Variants in DPP10 observed in about 807,000 individuals in gnomAD.
DPP10 encodes the protein inactive dipeptidyl peptidase 10.
Under a neutral mutation model 120.9 loss-of-function variants are expected in DPP10, and 33 were observed. The ratio of observed to expected loss-of-function variants is 0.27; its 90% CI spans 0.21 to 0.37. The LOEUF (loss-of-function observed/expected upper bound fraction) is 0.37, where lower values mean the gene tolerates loss of function less well. Among genes scored for constraint, DPP10 ranks in the 10% least tolerant of loss-of-function variants. The pLI, the probability that DPP10 is intolerant of heterozygous loss-of-function variation, is 1.00. For synonymous variants in DPP10, 337 were observed against 326.1 expected (o/e 1.03, Z -0.36); for missense variants, 816 against 942.8 (o/e 0.87, Z 1.76).
intron 1 of DPP10, among the ~76,000 whole-genome samples, chr2:114,851,091 AT>A (rs1014071574): frequency 3.3e-5 from 5 of 152,156 alleles, no homozygotes; most frequent in African/African-American, 4.8e-5. Flanking sequence ...TTTTTTCCTC[AT>A]TTTTTTATTA....
chr2:114,545,995 A>G (rs1019589688), intron 1 of DPP10, among the ~76,000 whole-genome samples: 2 of 152,048 alleles, frequency 1.3e-5, no homozygotes, highest in Non-Finnish European at 2.9e-5. Flanking sequence ...ACTCATATTG[A>G]TGGTCTCTAT....
At chr2:115,515,697 G>A (rs556183507) in intron 4 of DPP10, among the ~76,000 whole-genome samples, 3 of 151,972 alleles carry the variant, frequency 2.0e-5, no homozygotes, top group Non-Finnish European at 4.4e-5. Context: ...GTTGAAACTG[G>A]CCTGAAAGAA....
intron 1 of DPP10, among the ~76,000 whole-genome samples, chr2:114,886,466 C>A (rs998247942): frequency 2.6e-5 from 4 of 152,166 alleles, no homozygotes; most frequent in African/African-American, 9.6e-5. Flanking sequence ...CATAATAGTG[C>A]CTACAAGATA....
rs1355909722 is a variant in DPP10, at chr2:114,442,729, T to G, written c.-50T>G. 1.2e-6 allele frequency: 2 copies of G among 1,609,648 alleles called. No individual in the cohort carries two copies. The highest frequency in any genetic ancestry group is 1.7e-6 in the Non-Finnish European group (2 of 1,177,284). On this transcript the variant is annotated 5_prime_UTR_variant, in exon 1 of 26. Coordinates refer to ENST00000410059, the MANE Select transcript of DPP10 (RefSeq NM_020868.6). ...CCAATAGAGGAGACTTGATCTCTAGTTCATTCTGGAACTCCGCCTGGGATT... is the reference window on the plus strand; with the variant it reads ...CCAATAGAGGAGACTTGATCTCTAGGTCATTCTGGAACTCCGCCTGGGATT...
intron 1 of DPP10, among the ~76,000 whole-genome samples, chr2:114,901,129 T>C (rs1693529561): frequency 6.6e-6 from 1 of 152,178 alleles, no homozygotes; most frequent in African/African-American, 2.4e-5. Flanking sequence ...ACAAAAAGTC[T>C]ATGGAAAAAA....
At chr2:115,294,175 G>A (rs1358529604) in intron 1 of DPP10, among the ~76,000 whole-genome samples, 1 of 152,056 alleles carries the variant, frequency 6.6e-6, no homozygotes, top group Non-Finnish European at 1.5e-5. Context: ...AGACTAGGGA[G>A]GGATGCCTTG....
At chr2:115,409,563 G>A (rs1482533687) in intron 3 of DPP10, among the ~76,000 whole-genome samples, 1 of 152,166 alleles carries the variant, frequency 6.6e-6, no homozygotes, top group African/African-American at 2.4e-5. Context: ...ACTGCTAGTG[G>A]AAATGTAAAC....
chr2:114,982,768 T>A (rs531800919), intron 1 of DPP10, among the ~76,000 whole-genome samples: 1 of 151,294 alleles, frequency 6.6e-6, no homozygotes, highest in South Asian at 2.1e-4. Flanking sequence ...GCCTGGCTAA[T>A]TTTTGCATTT....
chr2:115,603,130 G>A (rs2083442100), intron 5 of DPP10, among the ~76,000 whole-genome samples: 2 of 98,316 alleles, frequency 2.0e-5, no homozygotes, highest in South Asian at 3.3e-4. Context: ...AACTGTGTGT[G>A]TGTGTGTGTG....
Position 115,041,865 on chromosome 2 carries a change from C to T in DPP10, c.61-267374C>T, listed in dbSNP as rs181646871. Among the ~76,000 whole-genome samples the T allele has an allele frequency of 8.7e-4, 133 of 152,154 alleles. 1 individual carries two copies. The highest frequency in any genetic ancestry group is 6.8e-3 in the Middle Eastern group (2 of 294). ...GCATATTACAGAAATAGGTGGTGCC[C>T]TTTGTAACACAACAAAAATGCCATG... On this transcript the variant is annotated intron_variant, in intron 1 of 25. Transcript: ENST00000410059.
At chr2:115,113,797 A>T (rs1210566635) in intron 1 of DPP10, among the ~76,000 whole-genome samples, 1 of 152,200 alleles carries the variant, frequency 6.6e-6, no homozygotes, top group African/African-American at 2.4e-5. Flanking sequence ...TAAGATATCA[A>T]GAACTTGTGC....
chr2:114,542,108 C>T lies in DPP10; in HGVS notation c.60+99270C>T, dbSNP rs562650929. Among the ~76,000 whole-genome samples, 43 of 136,780 alleles carry T rather than the reference C, an allele frequency of 3.1e-4. No individual in the cohort carries two copies. In the East Asian group the frequency reaches 6.8e-3, roughly 22 times the overall value. The allele number at this position is 136,780 out of a possible 152,430, so 89.7% of individuals were successfully genotyped here. ...TGTCTCCAAGGCTGGAGTGCAGTGGCGCGATCTTGGCTCACTGCAACCTCC... is the reference window on the plus strand; with the variant it reads ...TGTCTCCAAGGCTGGAGTGCAGTGGTGCGATCTTGGCTCACTGCAACCTCC... On this transcript the variant is annotated intron_variant, in intron 1 of 25. Transcript: ENST00000410059.
At position 115,384,507 on chromosome 2, in the gene DPP10, AGAAGAAG is replaced by A. The variant is rs1216179294; in HGVS notation, c.271+40603_271+40609del. 5.1e-3 allele frequency among the ~76,000 whole-genome samples: 762 copies of A among 149,862 alleles called. 6 individuals carry two copies. The highest frequency in any genetic ancestry group is 0.018 in the African/African-American group (719 of 40,620). On this transcript the variant is annotated intron_variant, in intron 3 of 25. Transcript: ENST00000410059. Reference sequence around the variant, plus strand: ...GAAGAAGAAGAAGAGGAAAAGAAGAAGAAGAAGGAAGAAGAGGAAGAAGAAGAAAGAA... The same window carrying A: ...GAAGAAGAAGAAGAGGAAAAGAAGAAGAAGAAGAGGAAGAAGAAGAAAGAA...
At chr2:115,551,284 A>G (rs1392793468) in intron 5 of DPP10, among the ~76,000 whole-genome samples, 4 of 152,140 alleles carry the variant, frequency 2.6e-5, no homozygotes, top group African/African-American at 7.2e-5. Context: ...TAAGGAGTAC[A>G]TTGTGCAATA....
At chr2:115,830,828 CAAACTT>C (rs1688843780) in intron 21 of DPP10, among the ~76,000 whole-genome samples, 1 of 152,056 alleles carries the variant, frequency 6.6e-6, no homozygotes, top group African/African-American at 2.4e-5. Flanking sequence ...GAAAATAAAA[CAAACTT>C]AAAAATGTAA....
chr2:114,571,122 C>G (rs754508566), intron 1 of DPP10, among the ~76,000 whole-genome samples: 1 of 152,006 alleles, frequency 6.6e-6, no homozygotes, highest in Admixed American at 6.6e-5. Flanking sequence ...TGGATTCGTG[C>G]CCCCACCCAA....
At chr2:114,525,977 A>G (rs1685467868) in intron 1 of DPP10, among the ~76,000 whole-genome samples, 1 of 152,240 alleles carries the variant, frequency 6.6e-6, no homozygotes, top group African/African-American at 2.4e-5. Flanking sequence ...AGGTGCTGAA[A>G]AGCATGAGAA....
chr2:115,762,600 T>G lies in DPP10; in HGVS notation c.1103T>G (p.Leu368Arg). The G allele has an allele frequency of 6.2e-7, 1 of 1,613,498 alleles. No homozygotes were observed. The part of the protein sequence containing the change: ...KKYEMTSDTW[L>R]SQQNEEPVFS... The stretch of plus-strand genomic sequence containing the variant: ...TATGAGATGACATCAGATACGTGGC[T>G]CTCTCAGCAGGTACAGTATAGGTGG... The change falls in exon 12 of 26, where the codon CTC becomes CGC. Residue 368 changes from leucine (L) to arginine (R), a missense_variant. Transcript: ENST00000410059.
chr2:114,759,417 A>G (rs981228140), intron 1 of DPP10, among the ~76,000 whole-genome samples: 1 of 152,040 alleles, frequency 6.6e-6, no homozygotes, highest in Non-Finnish European at 1.5e-5. Context: ...GGAACTCAGT[A>G]TATTTACTTT....
Sources: allele counts gnomAD v4.1 joint callset (sites outside exome capture counted in the v4.1 genomes callset), GRCh38; gene constraint gnomAD v4.1.1; transcripts MANE v1.5; gene names NCBI Gene and HGNC (gene_info 2026-07-23, HGNC 2026-07-21).